AMPH: variants seen among roughly 807,000 people sequenced by gnomAD.
AMPH encodes the protein amphiphysin.
In AMPH, 49 loss-of-function variants were observed where a neutral mutation model predicts 99.1. That is an observed-to-expected ratio of 0.49 (90% CI 0.39 to 0.63). The LOEUF (loss-of-function observed/expected upper bound fraction) is 0.63. Ranked by LOEUF, AMPH falls within the 20% of genes least tolerant of loss-of-function variation. AMPH has a pLI of 0.00. For missense variants in AMPH, 759 were observed against 863.4 expected (o/e 0.88, Z 1.52); for synonymous variants, 314 against 317.3 (o/e 0.99, Z 0.11).
At chr7:38,624,221 TC>T (rs1002002491) in intron 1 of AMPH, among the ~76,000 whole-genome samples, 5 of 151,992 alleles carry the variant, frequency 3.3e-5, no homozygotes, top group African/African-American at 1.2e-4. Flanking sequence ...GTCCTTGTCC[TC>T]AAGTACCTAC....
chr7:38,392,890 G>A (rs1382054054), intron 18 of AMPH, among the ~76,000 whole-genome samples: 1 of 152,154 alleles, frequency 6.6e-6, no homozygotes, highest in Non-Finnish European at 1.5e-5. Flanking sequence ...CACTGCTGTG[G>A]CCGCTGGAGG....
rs185695289 is a variant in AMPH, at chr7:38,387,015, A to C, written c.1981-2090T>G. On this transcript the variant is annotated intron_variant, in intron 20 of 20. Transcript: ENST00000356264. ...GGGATGGGTATCCTAACGTATGTGG[A>C]TAAACTGCCTTGAAATCCTGGGCTG... 3.9e-5 allele frequency among the ~76,000 whole-genome samples: 6 copies of C among 152,322 alleles called. No individual in the cohort carries two copies. In the East Asian group the frequency reaches 1.2e-3, roughly 29 times the overall value.
intron 1 of AMPH, among the ~76,000 whole-genome samples, chr7:38,628,582 G>A (rs1794339353): frequency 6.6e-6 from 1 of 152,148 alleles, no homozygotes; most frequent in South Asian, 2.1e-4. Context: ...ATATGTACAT[G>A]TATAGAAGGA....
At chr7:38,558,425 T>C (rs996806261) in intron 1 of AMPH, among the ~76,000 whole-genome samples, 1 of 152,176 alleles carries the variant, frequency 6.6e-6, no homozygotes, top group African/African-American at 2.4e-5. Context: ...AGCGGTCTGG[T>C]TTTATACTGC....
At chr7:38,416,479 G>T (rs2128986642) in intron 17 of AMPH, among the ~76,000 whole-genome samples, 1 of 152,280 alleles carries the variant, frequency 6.6e-6, no homozygotes, top group South Asian at 2.1e-4. Context: ...TGGTGCTGCT[G>T]TTCAAAATAG....
At chr7:38,427,364 T>C (rs1785817378) in intron 14 of AMPH, among the ~76,000 whole-genome samples, 1 of 152,220 alleles carries the variant, frequency 6.6e-6, no homozygotes, top group Admixed American at 6.5e-5. Context: ...TGCATCATTT[T>C]GATGAACAGC....
intron 2 of AMPH, among the ~76,000 whole-genome samples, chr7:38,532,905 A>C (rs960931939): frequency 6.6e-6 from 1 of 152,220 alleles, no homozygotes; most frequent in Non-Finnish European, 1.5e-5. Context: ...GCAAAGAATT[A>C]ATTAGCTCCA....
intron 1 of AMPH, among the ~76,000 whole-genome samples, chr7:38,626,894 T>C (rs987021572): frequency 6.6e-6 from 1 of 152,222 alleles, no homozygotes; most frequent in Non-Finnish European, 1.5e-5. Flanking sequence ...AGCTTTTTAC[T>C]AACATATTTT....
intron 19 of AMPH, 42 bp downstream of exon 19, chr7:38,391,706 A>C: frequency 6.3e-7 from 1 of 1,586,554 alleles, no homozygotes; most frequent in South Asian, 1.2e-5. Context: ...AAAGGGCCTT[A>C]AAGCAAAAAA....
intron 1 of AMPH, among the ~76,000 whole-genome samples, chr7:38,567,777 G>A (rs1003071530): frequency 5.3e-5 from 8 of 152,042 alleles, no homozygotes; most frequent in Non-Finnish European, 1.2e-4. Context: ...TTTTAAGCCA[G>A]GAAATTGAGT....
At chr7:38,428,110 T>C (rs1318833800) in intron 14 of AMPH, 1 of 456,794 alleles carries the variant, frequency 2.2e-6, no homozygotes, top group South Asian at 1.5e-5. Context: ...TGTGTCCAGC[T>C]ATTATCTAAG....
At chr7:38,520,755 C>T (rs986158441) in intron 2 of AMPH, among the ~76,000 whole-genome samples, 9 of 152,202 alleles carry the variant, frequency 5.9e-5, no homozygotes, top group East Asian at 5.8e-4. Context: ...ATGGCAGATC[C>T]GGGAAGGAAG....
At chr7:38,429,509 G>A (rs890749630) in intron 14 of AMPH, 72 of 1,360,348 alleles carry the variant, frequency 5.3e-5, no homozygotes, top group Non-Finnish European at 6.3e-5. Context: ...GAATTTCTTC[G>A]GCCAACCCAC....
intron 20 of AMPH, among the ~76,000 whole-genome samples, 176 bp from the exon 21 acceptor site, chr7:38,385,101 TAAAAAA>T (rs34834299): frequency 4.2e-5 from 6 of 143,964 alleles, no homozygotes; most frequent in African/African-American, 1.5e-4. Flanking sequence ...AGTTGTTAGT[TAAAAAA>T]AAAAAGAAAA....
intron 19 of AMPH, 45 bp from the exon 20 acceptor site, chr7:38,389,950 T>A: frequency 1.4e-6 from 2 of 1,433,132 alleles, no homozygotes; most frequent in Middle Eastern, 3.5e-4. Flanking sequence ...CCAGCCAGAT[T>A]TCAAGCAGAC....
chr7:38,449,617 C>A (rs1786927912), intron 11 of AMPH, among the ~76,000 whole-genome samples: 1 of 152,174 alleles, frequency 6.6e-6, no homozygotes, highest in Non-Finnish European at 1.5e-5. Flanking sequence ...CTTGGTTACT[C>A]CTGCTCAAGG....
At chr7:38,500,083 A>T (rs1406799151) in intron 3 of AMPH, among the ~76,000 whole-genome samples, 1 of 152,198 alleles carries the variant, frequency 6.6e-6, no homozygotes, top group Non-Finnish European at 1.5e-5. Context: ...ACACAGGCAT[A>T]TACCTTGTTT....
chr7:38,536,629 T>C (rs11763360), intron 1 of AMPH, among the ~76,000 whole-genome samples: 34,350 of 152,140 alleles, frequency 0.23, 4,855 homozygotes, highest in Non-Finnish European at 0.31. Context: ...TATTACCAAT[T>C]ATACAATATC....
At chr7:38,585,028 C>T (rs1298274946) in intron 1 of AMPH, among the ~76,000 whole-genome samples, 1 of 152,176 alleles carries the variant, frequency 6.6e-6, no homozygotes, top group African/African-American at 2.4e-5. Flanking sequence ...CAATTTCCAA[C>T]CTTGGGAAAC....
Sources: allele counts gnomAD v4.1 joint callset (sites outside exome capture counted in the v4.1 genomes callset), GRCh38; gene constraint gnomAD v4.1.1; transcripts MANE v1.5; gene names NCBI Gene and HGNC (gene_info 2026-07-23, HGNC 2026-07-21).